Variants in ARHGAP35 observed in about 807,000 individuals in gnomAD.
The protein encoded by ARHGAP35 is rho GTPase-activating protein 35.
Under a neutral mutation model 111.1 loss-of-function variants are expected in ARHGAP35, and 15 were observed. The observed-to-expected ratio is 0.13, with a 90% confidence interval of 0.09 to 0.21. The LOEUF (loss-of-function observed/expected upper bound fraction) is 0.21, where lower values mean the gene tolerates loss of function less well. Ranked by LOEUF, ARHGAP35 falls within the 10% of genes least tolerant of loss-of-function variation. ARHGAP35 has a pLI of 1.00. For synonymous variants in ARHGAP35, 643 were observed against 710.3 expected (o/e 0.91, Z 1.51); for missense variants, 1,262 against 1,873.0 (o/e 0.67, Z 6.02).
At chr19:46,880,632 T>C (rs1568459733) in intron 1 of ARHGAP35, among the ~76,000 whole-genome samples, 1 of 152,160 alleles carries the variant, frequency 6.6e-6, no homozygotes, top group African/African-American at 2.4e-5. Flanking sequence ...AATGTTGATA[T>C]TGTGAGCTCT....
intron 2 of ARHGAP35, among the ~76,000 whole-genome samples, chr19:46,932,388 G>A (rs1236174796): frequency 6.6e-6 from 1 of 152,228 alleles, no homozygotes; most frequent in Non-Finnish European, 1.5e-5. Context: ...TAATAGGTAA[G>A]TGCCTCCGGA....
chr19:46,905,144 T>G (rs2056099910), intron 1 of ARHGAP35, among the ~76,000 whole-genome samples: 1 of 152,222 alleles, frequency 6.6e-6, no homozygotes, highest in Non-Finnish European at 1.5e-5. Context: ...TGGCCTAGCT[T>G]GGAAATTAGA....
At position 46,921,219 on chromosome 19, in the gene ARHGAP35, G is replaced by A. The variant is rs773747975; in HGVS notation, c.2544G>A (p.Lys848=). The change falls in exon 2 of 7, where the codon AAG becomes AAA. Residue 848 remains lysine (K), a synonymous_variant. Coordinates refer to ENST00000672722, the MANE Select transcript of ARHGAP35 (RefSeq NM_004491.5). The surrounding 1 kb of genome is among the most constrained non-coding windows in gnomAD (Gnocchi z 4.3). ...LSYHSSFSIR[K]SRLVHGYIVF... is the part of the protein sequence containing the mutation. ...ACCATTCCTCCTTTAGCATCAGAAA[G>A]AGCCGGTTGGTTCATGGGTACATTG... 3.5e-5 allele frequency: 56 copies of A among 1,613,902 alleles called. No individual in the cohort carries two copies. Among genetic ancestry groups the A allele is most frequent in the Non-Finnish European group, 4.1e-5 (48 of 1,179,906 alleles).
intron 1 of ARHGAP35, among the ~76,000 whole-genome samples, chr19:46,917,452 A>G (rs555732896): frequency 6.6e-6 from 1 of 152,206 alleles, no homozygotes; most frequent in African/African-American, 2.4e-5. Flanking sequence ...TACTAAAAAT[A>G]CAAAAGTTAG....
intron 3 of ARHGAP35, among the ~76,000 whole-genome samples, chr19:46,978,066 G>C (rs562182872): frequency 6.6e-6 from 1 of 152,298 alleles, no homozygotes; most frequent in East Asian, 1.9e-4. Context: ...GGCCCTGCAA[G>C]TTCATCAGGA....
chr19:46,925,547 A>G (rs899022127), intron 2 of ARHGAP35, among the ~76,000 whole-genome samples: 1 of 152,208 alleles, frequency 6.6e-6, no homozygotes, highest in African/African-American at 2.4e-5. Context: ...ACCATAGGGA[A>G]ATGACACAGA....
intron 3 of ARHGAP35, among the ~76,000 whole-genome samples, chr19:46,965,176 G>A (rs370349443): frequency 5.3e-5 from 8 of 152,272 alleles, no homozygotes; most frequent in East Asian, 3.9e-4. Context: ...AGCCGGGCGT[G>A]GTGACAGGTG....
At chr19:46,880,646 A>G (rs1012716073) in intron 1 of ARHGAP35, among the ~76,000 whole-genome samples, 1 of 152,092 alleles carries the variant, frequency 6.6e-6, no homozygotes, top group Admixed American at 6.6e-5. Context: ...GAGCTCTCTC[A>G]TGAATCATGA....
chr19:46,906,614 G>GCTC (rs1011847094), intron 1 of ARHGAP35, among the ~76,000 whole-genome samples: 1 of 152,144 alleles, frequency 6.6e-6, no homozygotes, highest in Non-Finnish European at 1.5e-5. Context: ...TAGAACAGAA[G>GCTC]CTCCACTTTG....
rs112456017 is a variant in ARHGAP35 at position 46,994,354 on chromosome 19, T to C, written c.4036+4679T>C. 2.4e-4 allele frequency among the ~76,000 whole-genome samples: 36 copies of C among 152,306 alleles called. No individual in the cohort carries two copies. Among genetic ancestry groups the C allele is most frequent in the African/African-American group, 8.4e-4 (35 of 41,586 alleles). The stretch of plus-strand genomic sequence containing the variant: ...GGCTGCCCTGAGTGTGCCGCTGCCC[T>C]GTGACCAGGTCCACACAGACTGTGG... On this transcript the variant is annotated intron_variant, in intron 5 of 6. Transcript: ENST00000672722. This position sits in a 1 kb window ranked among gnomAD's most constrained non-coding sequence, Gnocchi z 5.4.
Position 46,920,715 on chromosome 19 carries a change from G to C in ARHGAP35, c.2040G>C (p.Lys680Asn). ...CCTATGTAGTGGAAAGTATAGAGAA[G>C]AGTAGAGAGTCCACGCTGGGCCGGC... ...SLSYVVESIE[K>N]SRESTLGRRD... Residue 680 changes from lysine to asparagine, a missense_variant, in exon 2 of 7, where the codon AAG becomes AAC. Transcript: ENST00000672722. This position sits in a 1 kb window ranked among gnomAD's most constrained non-coding sequence, Gnocchi z 7.0. The C allele has an allele frequency of 6.2e-7, 1 of 1,613,804 alleles. No homozygotes were observed.
At position 46,989,442 on chromosome 19, in the gene ARHGAP35, T is replaced by G; in HGVS notation, c.3905-102T>G. 1 of 1,480,464 alleles carries G rather than the reference T, an allele frequency of 6.8e-7. No homozygotes were observed. The highest frequency in any genetic ancestry group is 9.2e-7 in the Non-Finnish European group (1 of 1,089,182). 91.7% of individuals were successfully genotyped at this position (1,480,464 alleles called of 1,614,324 possible). A position where few individuals can be genotyped will look rare whatever the true frequency, so the allele number is the denominator to read the frequency against. On this transcript the variant is annotated intron_variant, in intron 4 of 6. Transcript: ENST00000672722. This position sits in a 1 kb window ranked among gnomAD's most constrained non-coding sequence, Gnocchi z 5.3. ...TCCTTGCCAGTCCTGAGGCCGTCTCTGGCTCCTTGAGGTTTCTCTAGCCTC... is the reference window on the plus strand; with the variant it reads ...TCCTTGCCAGTCCTGAGGCCGTCTCGGGCTCCTTGAGGTTTCTCTAGCCTC...
chr19:46,981,174 G>A (rs1479707247), intron 3 of ARHGAP35, among the ~76,000 whole-genome samples: 1 of 152,184 alleles, frequency 6.6e-6, no homozygotes, highest in East Asian at 1.9e-4. Flanking sequence ...TTCTCTCCCT[G>A]AGTGCTCAGC....
intron 3 of ARHGAP35, among the ~76,000 whole-genome samples, chr19:46,967,811 C>T (rs796529846): frequency 3.3e-5 from 5 of 152,338 alleles, no homozygotes; most frequent in African/African-American, 1.2e-4. Context: ...CACTGCCTTT[C>T]CTTGCTGTTC....
chr19:46,915,486 G>A (rs1428432674), intron 1 of ARHGAP35, among the ~76,000 whole-genome samples: 1 of 152,214 alleles, frequency 6.6e-6, no homozygotes, highest in Non-Finnish European at 1.5e-5. Context: ...GTGACCTTTT[G>A]AGGTTATCAT....
At position 46,993,241 on chromosome 19, in the gene ARHGAP35, C is replaced by T. The variant is rs551590374; in HGVS notation, c.4036+3566C>T. 9.2e-5 allele frequency among the ~76,000 whole-genome samples: 14 copies of T among 152,326 alleles called. 1 individual carries two copies. The South Asian group carries it at 2.5e-3, about 27-fold the overall frequency. Reference sequence around the variant, plus strand: ...TACCACCTGGGGCGGGGAGAGCCGACGCCGGACGAGCCTGCGTGATCACTG... The same window carrying T: ...TACCACCTGGGGCGGGGAGAGCCGATGCCGGACGAGCCTGCGTGATCACTG... On this transcript the variant is annotated intron_variant, in intron 5 of 6. Coordinates refer to ENST00000672722, the MANE Select transcript of ARHGAP35 (RefSeq NM_004491.5). This position sits in a 1 kb window ranked among gnomAD's most constrained non-coding sequence, Gnocchi z 4.6.
rs1208195664 is a variant in ARHGAP35 at position 47,001,749 on chromosome 19, CATGTGA to C, written c.*1062_*1067del. 7.0e-6 allele frequency: 2 copies of C among 285,802 alleles called. No homozygotes were observed. Among genetic ancestry groups the C allele is most frequent in the South Asian group, 3.5e-5 (1 of 28,368 alleles). 17.7% of individuals were successfully genotyped at this position (285,802 alleles called of 1,614,324 possible). ...TGCGTGGGGTGGGGGTGTGTGTGCACATGTGAGTGTGAGTGTGTGTGGGCGCTTGGT... is the reference window on the plus strand; with the variant it reads ...TGCGTGGGGTGGGGGTGTGTGTGCACGTGTGAGTGTGTGTGGGCGCTTGGT... On this transcript the variant is annotated 3_prime_UTR_variant, in exon 7 of 7. Coordinates refer to ENST00000672722, the MANE Select transcript of ARHGAP35 (RefSeq NM_004491.5). This position sits in a 1 kb window ranked among gnomAD's most constrained non-coding sequence, Gnocchi z 5.4.
rs555796859 is a variant in ARHGAP35 at position 46,963,661 on chromosome 19, A to T, written c.3827-24328A>T. Among the ~76,000 whole-genome samples, 6 of 152,180 alleles carry T rather than the reference A, an allele frequency of 3.9e-5. No individual in the cohort carries two copies. In the South Asian group the frequency reaches 1.2e-3, roughly 32 times the overall value. On this transcript the variant is annotated intron_variant, in intron 3 of 6. Transcript: ENST00000672722. ...TTATCTTTTATTATATCTAAGTGTGATCTAACTTTTCACCTTTATCTTGTC... is the reference window on the plus strand; with the variant it reads ...TTATCTTTTATTATATCTAAGTGTGTTCTAACTTTTCACCTTTATCTTGTC...
chr19:46,880,508 A>G (rs996586654), intron 1 of ARHGAP35, among the ~76,000 whole-genome samples: 1 of 152,096 alleles, frequency 6.6e-6, no homozygotes, highest in African/African-American at 2.4e-5. Flanking sequence ...TTCAAACTCC[A>G]TTTCTAATTG....
Sources: gnomAD v4.1 joint callset for allele counts (sites outside exome capture counted in the v4.1 genomes callset) on GRCh38, gnomAD v4.1.1 for gene constraint, Gnocchi (gnomAD v3.1) non-coding constraint, MANE v1.5 for transcripts, NCBI Gene and HGNC (gene_info 2026-07-23, HGNC 2026-07-21) for gene names.